NPAT: variants seen among roughly 807,000 people sequenced by gnomAD.
NPAT encodes the protein nuclear protein, coactivator of histone transcription, also known as protein NPAT.
In NPAT, 52 loss-of-function variants were observed where a neutral mutation model predicts 130.7. The observed-to-expected ratio is 0.40, with a 90% CI of 0.32 to 0.50. The LOEUF (loss-of-function observed/expected upper bound fraction) is 0.50. Ranked by LOEUF, NPAT falls within the 20% of genes least tolerant of loss-of-function variation. The pLI, the probability that NPAT is intolerant of heterozygous loss-of-function variation, is 0.68. For missense variants in NPAT, 1,687 were observed against 1,662.6 expected, an observed-to-expected ratio of 1.01 and a Z score of -0.26; for synonymous variants, 580 against 584.8, an observed-to-expected ratio of 0.99 and a Z score of 0.12.
chr11:108,175,691 G>A (rs1392919494), intron 12 of NPAT, among the ~76,000 whole-genome samples: 1 of 152,196 alleles, frequency 6.6e-6, no homozygotes, highest in African/African-American at 2.4e-5. Context: ...ATTCTCCAAG[G>A]ACAGGATGTG....
intron 17 of NPAT, among the ~76,000 whole-genome samples, chr11:108,160,068 T>C (rs963225935): frequency 4.0e-5 from 6 of 151,152 alleles, no homozygotes; most frequent in Non-Finnish European, 8.8e-5. Context: ...GGGAATTGCT[T>C]GAACTCAGGA....
chr11:108,163,400 G>A (rs1175065243), intron 15 of NPAT, among the ~76,000 whole-genome samples: 1 of 152,052 alleles, frequency 6.6e-6, no homozygotes, highest in Non-Finnish European at 1.5e-5. Flanking sequence ...GTGTTAAATA[G>A]GGAAGATGCA....
At chr11:108,213,845 T>C (rs2078407765) in intron 1 of NPAT, among the ~76,000 whole-genome samples, 1 of 152,168 alleles carries the variant, frequency 6.6e-6, no homozygotes, top group Non-Finnish European at 1.5e-5. Flanking sequence ...ACCTTTCTTA[T>C]TTATCTAGTC....
At chr11:108,162,690 C>A (rs1196186502) in intron 15 of NPAT, among the ~76,000 whole-genome samples, 1 of 152,132 alleles carries the variant, frequency 6.6e-6, no homozygotes, top group Non-Finnish European at 1.5e-5. Flanking sequence ...CCTGGGCCTC[C>A]CAAAAGGCTG....
At chr11:108,210,969 C>A (rs1044570383) in intron 1 of NPAT, among the ~76,000 whole-genome samples, 1 of 152,116 alleles carries the variant, frequency 6.6e-6, no homozygotes, top group South Asian at 2.1e-4. Flanking sequence ...GCCTATAATC[C>A]CAGCATTTTG....
In NPAT at chr11:108,157,910, G is replaced by A. The variant is rs2077811232; in HGVS notation, c.*1032C>T. 2.0e-5 allele frequency: 3 copies of A among 152,234 alleles called. No individual in the cohort carries two copies. The highest frequency in any genetic ancestry group is 2.0e-4 in the Admixed American group (3 of 15,234). The allele number at this position is 152,234 out of a possible 1,614,324, so 9.4% of individuals were successfully genotyped here. ...GAGAAACTCTTTGTAACACTTTAAG[G>A]GACACAGACAATGCACTATATCTAA... On this transcript the variant is annotated 3_prime_UTR_variant, in exon 18 of 18. Coordinates refer to ENST00000278612, the MANE Select transcript of NPAT (RefSeq NM_002519.3).
Position 108,185,289 on chromosome 11 carries a change from T to G in NPAT, c.849A>C (p.Gln283His). Residue 283 changes from glutamine to histidine, a missense_variant, in exon 10 of 18, where the codon CAA becomes CAC. Physicochemically the swap from Gln to His is conservative, Grantham distance 24. This residue lies in a region of NPAT where 1,379 missense variants were observed against 1,346.6 expected (regional missense o/e 1.02). Coordinates refer to ENST00000278612, the MANE Select transcript of NPAT (RefSeq NM_002519.3). The part of the protein sequence containing the change: ...SDNNIAQVPK[Q>H]TDNNPTEPET... ...CTGGCTCCGTAGGGTTGTTATCTGT[T>G]TGCTTAGGTACTTGGGCAATATTGT... 6.2e-7 allele frequency: 1 copy of G among 1,612,276 alleles called. No homozygotes were observed. Among genetic ancestry groups the G allele is most frequent in the Non-Finnish European group, 8.5e-7 (1 of 1,178,910 alleles).
intron 1 of NPAT, among the ~76,000 whole-genome samples, chr11:108,198,021 G>A (rs2078240275): frequency 6.6e-6 from 1 of 152,294 alleles, no homozygotes; most frequent in Admixed American, 6.5e-5. Context: ...CTGCTTGGCT[G>A]AACTAAAGCA....
In NPAT at chr11:108,213,099, C is replaced by A. The variant is rs2078400040; in HGVS notation, c.37+9401G>T. 2.0e-5 allele frequency among the ~76,000 whole-genome samples: 3 copies of A among 151,976 alleles called. No individual in the cohort carries two copies. In the South Asian group the frequency reaches 6.2e-4, roughly 32 times the overall value. The stretch of plus-strand genomic sequence containing the variant: ...GACCAGCCTGACCAACATGGAGAAA[C>A]CCTGGTGCTACTAAAAATACAAAGT... On this transcript the variant is annotated intron_variant, in intron 1 of 17. Coordinates refer to ENST00000278612, the MANE Select transcript of NPAT (RefSeq NM_002519.3).
Position 108,162,132 on chromosome 11 carries a change from C to T in NPAT, c.3059G>A (p.Cys1020Tyr), listed in dbSNP as rs1282496724. Residue 1020 changes from cysteine (C) to tyrosine (Y), a missense_variant, in exon 16 of 18, where the codon TGT becomes TAT. By Grantham distance (194) the Cys-to-Tyr change is radical. Around this residue, in one of 3 missense-constraint regions of NPAT, gnomAD observed 1,379 missense variants for 1,346.6 expected, o/e 1.02. Transcript: ENST00000278612. ...LVDSSGHSVG[C>Y]HAQKTEVSDK... is the part of the protein sequence containing the mutation. Reference sequence around the variant, plus strand: ...ACTTTATACTCACTTTTGTGCATGACATCCAACTGAATGACCTGACGAATC... The same window carrying T: ...ACTTTATACTCACTTTTGTGCATGATATCCAACTGAATGACCTGACGAATC... 3.1e-6 allele frequency: 5 copies of T among 1,614,010 alleles called. No homozygotes were observed. Among genetic ancestry groups the T allele is most frequent in the Admixed American group, 1.7e-5 (1 of 60,030 alleles).
chr11:108,197,011 G>C (rs768703427), intron 2 of NPAT, among the ~76,000 whole-genome samples: 2 of 152,004 alleles, frequency 1.3e-5, no homozygotes, highest in Non-Finnish European at 2.9e-5. Flanking sequence ...GCCAGATACA[G>C]GTCAGGAAGA....
At chr11:108,195,266 C>G (rs2078209227) in intron 2 of NPAT, among the ~76,000 whole-genome samples, 1 of 152,186 alleles carries the variant, frequency 6.6e-6, no homozygotes, top group Non-Finnish European at 1.5e-5. Context: ...ATAATCATGT[C>G]AAACTGTTTT....
At chr11:108,216,632 T>C (rs1565330697) in intron 1 of NPAT, among the ~76,000 whole-genome samples, 1 of 129,228 alleles carries the variant, frequency 7.7e-6, no homozygotes, top group Non-Finnish European at 1.6e-5. Context: ...AGAAAAATAT[T>C]GTCATTTGTG....
At chr11:108,204,753 T>A (rs1252427768) in intron 1 of NPAT, among the ~76,000 whole-genome samples, 3 of 152,202 alleles carry the variant, frequency 2.0e-5, no homozygotes, top group Non-Finnish European at 4.4e-5. Context: ...CACATCCCCC[T>A]ATCATTCGCT....
At chr11:108,203,759 A>G (rs989121028) in intron 1 of NPAT, among the ~76,000 whole-genome samples, 1 of 152,286 alleles carries the variant, frequency 6.6e-6, no homozygotes, top group African/African-American at 2.4e-5. Context: ...AACTGTCCCC[A>G]TACAAGATTT....
At chr11:108,176,410 C>G in intron 11 of NPAT, 36 bp from the exon 12 acceptor site, 2 of 1,419,794 alleles carry the variant, frequency 1.4e-6, no homozygotes, top group Non-Finnish European at 2.0e-6. Flanking sequence ...ATTAAATGAC[C>G]AAAACAAAAA....
chr11:108,207,190 G>GT (rs2078336978), intron 1 of NPAT, among the ~76,000 whole-genome samples: 1 of 152,252 alleles, frequency 6.6e-6, no homozygotes, highest in Non-Finnish European at 1.5e-5. Flanking sequence ...CAACATCTCT[G>GT]TGAGTCTGGC....
intron 15 of NPAT, among the ~76,000 whole-genome samples, chr11:108,163,729 T>A (rs147327166): frequency 6.6e-6 from 1 of 152,194 alleles, no homozygotes; most frequent in Non-Finnish European, 1.5e-5. Flanking sequence ...GAAGCCACCA[T>A]AGTATCAACA....
At chr11:108,204,850 C>G (rs2078310599) in intron 1 of NPAT, among the ~76,000 whole-genome samples, 1 of 152,234 alleles carries the variant, frequency 6.6e-6, no homozygotes. Flanking sequence ...GAAAAGTGAA[C>G]AGAGTCTCAG....
Sources: gnomAD v4.1 joint callset for allele counts (sites outside exome capture counted in the v4.1 genomes callset) on GRCh38, gnomAD v4.1.1 for gene constraint, gnomAD v4.1.1 regional missense constraint, MANE v1.5 for transcripts, NCBI Gene and HGNC (gene_info 2026-07-23, HGNC 2026-07-21) for gene names.